LRRC4C: variants seen among roughly 807,000 people sequenced by gnomAD.
LRRC4C encodes leucine-rich repeat-containing protein 4C.
LRRC4C carries 5 observed loss-of-function variants against 33.6 expected under a neutral mutation model. The ratio of observed to expected loss-of-function variants is 0.15; its 90% CI spans 0.08 to 0.31. The LOEUF is 0.31. LRRC4C is among the 10% of genes least tolerant of loss of function. The pLI is 1.00. For synonymous variants in LRRC4C, 329 were observed against 302.0 expected (o/e 1.09, Z -0.93); for missense variants, 560 against 796.7 (o/e 0.70, Z 3.58).
At chr11:40,951,367 T>G (rs1405837877) in intron 1 of LRRC4C, among the ~76,000 whole-genome samples, 1 of 151,958 alleles carries the variant, frequency 6.6e-6, no homozygotes, top group African/African-American at 2.4e-5. Context: ...GTGAACTGCC[T>G]GCTATTGTGC....
intron 3 of LRRC4C, among the ~76,000 whole-genome samples, chr11:40,447,466 C>G (rs1415889369): frequency 6.6e-6 from 1 of 152,114 alleles, no homozygotes; most frequent in Non-Finnish European, 1.5e-5. Context: ...TTCAAGGGAC[C>G]ATTGCTAGCA....
intron 3 of LRRC4C, among the ~76,000 whole-genome samples, chr11:40,428,793 C>A (rs907522600): frequency 3.3e-5 from 5 of 151,984 alleles, no homozygotes; most frequent in African/African-American, 9.7e-5. Flanking sequence ...TATCAAGGAG[C>A]AAACATGAAA....
chr11:40,958,859 C>T (rs1329135378), intron 1 of LRRC4C, among the ~76,000 whole-genome samples: 1 of 151,588 alleles, frequency 6.6e-6, no homozygotes, highest in African/African-American at 2.4e-5. Flanking sequence ...AAAACCAGGG[C>T]CTGTATCCAC....
chr11:41,361,186 C>A (rs186708881), intron 1 of LRRC4C, among the ~76,000 whole-genome samples: 1 of 152,170 alleles, frequency 6.6e-6, no homozygotes, highest in Admixed American at 6.5e-5. Context: ...GTCACAAGAG[C>A]ATAATGTTTC....
chr11:40,363,967 C>T lies in LRRC4C; in HGVS notation c.-269-44246G>A, dbSNP rs545969951. ...CTTACACCAGAAGAAACATCATATT[C>T]GTACATATTTTTCTCTGATGTCTTT... On this transcript the variant is annotated intron_variant, in intron 3 of 6. Transcript: ENST00000528697. 5.9e-5 allele frequency among the ~76,000 whole-genome samples: 9 copies of T among 152,230 alleles called. No individual in the cohort carries two copies. In the East Asian group the frequency reaches 7.7e-4, roughly 13 times the overall value.
chr11:40,622,826 T>C (rs908033620), intron 3 of LRRC4C, among the ~76,000 whole-genome samples: 1 of 151,832 alleles, frequency 6.6e-6, no homozygotes, highest in African/African-American at 2.4e-5. Flanking sequence ...GTGCTTAGCA[T>C]AGTACATAGC....
At chr11:41,135,992 T>C (rs1943242638) in intron 1 of LRRC4C, among the ~76,000 whole-genome samples, 2 of 152,290 alleles carry the variant, frequency 1.3e-5, no homozygotes, top group East Asian at 1.9e-4. Context: ...ATTTATTGAG[T>C]ATATACTGTG....
intron 3 of LRRC4C, among the ~76,000 whole-genome samples, chr11:40,419,054 G>A (rs769770203): frequency 3.9e-5 from 6 of 152,086 alleles, no homozygotes; most frequent in Non-Finnish European, 8.8e-5. Flanking sequence ...GGGTTGATAG[G>A]TGCAGCCAAC....
At chr11:40,284,582 G>A (rs1381726457) in intron 4 of LRRC4C, among the ~76,000 whole-genome samples, 2 of 152,154 alleles carry the variant, frequency 1.3e-5, no homozygotes, top group South Asian at 2.1e-4. Flanking sequence ...GGAAAAATTG[G>A]CATTATCAGA....
chr11:40,906,196 C>A (rs1956407287), intron 2 of LRRC4C, among the ~76,000 whole-genome samples: 1 of 152,168 alleles, frequency 6.6e-6, no homozygotes, highest in South Asian at 2.1e-4. Context: ...TTCTGAGACA[C>A]AATGCCATCG....
At chr11:41,178,940 A>T (rs1590851915) in intron 1 of LRRC4C, among the ~76,000 whole-genome samples, 1 of 152,186 alleles carries the variant, frequency 6.6e-6, no homozygotes, top group East Asian at 1.9e-4. Context: ...TGACCTTGTG[A>T]TCCACCCACC....
intron 2 of LRRC4C, among the ~76,000 whole-genome samples, chr11:40,790,474 A>T (rs530628025): frequency 6.6e-6 from 1 of 152,324 alleles, no homozygotes; most frequent in Admixed American, 6.5e-5. Flanking sequence ...TTAACTAAAG[A>T]GCTAATTTCT....
chr11:40,285,338 G>A (rs10837378), intron 4 of LRRC4C, among the ~76,000 whole-genome samples: 140,592 of 152,152 alleles, frequency 0.92, 65,075 homozygotes, highest in East Asian at 1. Flanking sequence ...AGTGCCTCAA[G>A]CCCTTGGAAG....
At chr11:40,906,957 G>A (rs999183462) in intron 2 of LRRC4C, among the ~76,000 whole-genome samples, 1 of 152,232 alleles carries the variant, frequency 6.6e-6, no homozygotes, top group Non-Finnish European at 1.5e-5. Flanking sequence ...ACTAAATAGA[G>A]TTACATATAT....
At chr11:40,948,064 T>G (rs1450389092) in intron 1 of LRRC4C, among the ~76,000 whole-genome samples, 1 of 152,156 alleles carries the variant, frequency 6.6e-6, no homozygotes, top group Non-Finnish European at 1.5e-5. Flanking sequence ...TGAAGCCTCT[T>G]GATAGGTACA....
chr11:41,447,294 A>G (rs1440898413), intron 1 of LRRC4C, among the ~76,000 whole-genome samples: 4 of 152,190 alleles, frequency 2.6e-5, no homozygotes, highest in Non-Finnish European at 5.9e-5. Flanking sequence ...ATTAAATAAG[A>G]TTTATGTTCA....
At chr11:40,913,662 T>A (rs1329810100) in intron 2 of LRRC4C, among the ~76,000 whole-genome samples, 1 of 151,888 alleles carries the variant, frequency 6.6e-6, no homozygotes, top group African/African-American at 2.4e-5. Flanking sequence ...GCGAACACAT[T>A]CAAAAGCTAG....
At chr11:40,633,383 CTTTCTTTCTTTCT>C (rs1963672150) in intron 3 of LRRC4C, among the ~76,000 whole-genome samples, 1 of 99,184 alleles carries the variant, frequency 1.0e-5, no homozygotes, top group African/African-American at 4.5e-5. Flanking sequence ...CTCTCTCTTT[CTTTCTTTCTTTCT>C]TTTTTTTTTT....
intron 3 of LRRC4C, among the ~76,000 whole-genome samples, chr11:40,428,868 C>T (rs1325053118): frequency 6.6e-6 from 1 of 152,004 alleles, no homozygotes; most frequent in South Asian, 2.1e-4. Context: ...AGCTCTGTTC[C>T]CATATACTTA....
Sources: gnomAD v4.1 joint callset for allele counts (sites outside exome capture counted in the v4.1 genomes callset) on GRCh38, gnomAD v4.1.1 for gene constraint, MANE v1.5 for transcripts, NCBI Gene and HGNC (gene_info 2026-07-23, HGNC 2026-07-21) for gene names.